Variants in UROS observed in about 807,000 individuals in gnomAD.
UROS encodes the protein uroporphyrinogen-III synthase.
UROS carries 18 observed loss-of-function variants against 33.0 expected under a neutral mutation model. That is an observed-to-expected ratio of 0.55 (90% CI 0.38 to 0.81). The LOEUF is 0.81. UROS is among the 30% of genes least tolerant of loss of function. The pLI, the probability that UROS is intolerant of heterozygous loss-of-function variation, is 0.00. For synonymous variants in UROS, 114 were observed against 121.1 expected (o/e 0.94, Z 0.38); for missense variants, 293 against 314.9 (o/e 0.93, Z 0.53).
chr10:125,788,953 G>C lies in UROS; in HGVS notation c.713C>G (p.Pro238Arg), dbSNP rs1439715237. The change falls in exon 10 of 10, where the codon CCT (proline) becomes CGT (arginine). Residue 238 changes from proline to arginine, a missense_variant. Pro to Arg is a moderately radical substitution (Grantham distance 103). Coordinates refer to ENST00000368797, the MANE Select transcript of UROS (RefSeq NM_000375.3). Reference sequence around the variant, plus strand: ...GGGGCTCTCTGCAGTGCAGCTTACAGGAAGGCCCTGGGCGGCCAGCGCGCG... The same window carrying C: ...GGGGCTCTCTGCAGTGCAGCTTACACGAAGGCCCTGGGCGGCCAGCGCGCG... ...TARALAAQGLPVSCTAESPTP... is the reference protein window; with the variant it reads ...TARALAAQGLRVSCTAESPTP... 2 of 1,611,656 alleles carry C rather than the reference G, an allele frequency of 1.2e-6. No homozygotes were observed. Among genetic ancestry groups the C allele is most frequent in the Non-Finnish European group, 1.7e-6 (2 of 1,179,752 alleles).
At chr10:125,797,015 A>T (rs974108840) in intron 7 of UROS, among the ~76,000 whole-genome samples, 4 of 152,226 alleles carry the variant, frequency 2.6e-5, no homozygotes, top group African/African-American at 9.6e-5. Context: ...AACTGAGACC[A>T]AGCTTTCTCT....
downstream of UROS, among the ~76,000 whole-genome samples, chr10:125,787,051 T>C (rs912175957): frequency 2.6e-5 from 4 of 152,224 alleles, no homozygotes; most frequent in African/African-American, 9.6e-5. Context: ...AACAGAACCA[T>C]CTTTAACCAC....
chr10:125,812,503 T>A (rs111889354), intron 4 of UROS, among the ~76,000 whole-genome samples: 55 of 152,368 alleles, frequency 3.6e-4, no homozygotes, highest in African/African-American at 1.1e-3. Flanking sequence ...GTTTTAGTAC[T>A]CCTTGCTTGA....
chr10:125,796,773 G>A (rs566952543), intron 7 of UROS: 4 of 984,722 alleles, frequency 4.1e-6, no homozygotes, highest in South Asian at 9.4e-5. Flanking sequence ...GAGGCGCTAG[G>A]CACTGAAGGG....
Position 125,796,193 on chromosome 10 carries a change from G to T in UROS, c.476-5C>A. ...TTATGCTTTCCATGGCAATCCCTGG[G>T]CACAATCAAAAGCAGGAAAGACTTT... On this transcript the variant is annotated splice_polypyrimidine_tract_variant and splice_region_variant and intron_variant, in intron 7 of 9. Transcript: ENST00000368797. 6.2e-7 allele frequency: 1 copy of T among 1,614,026 alleles called. No homozygotes were observed. Among genetic ancestry groups the T allele is most frequent in the East Asian group, 2.2e-5 (1 of 44,868 alleles).
At chr10:125,820,246 C>T (rs977275315) in intron 1 of UROS, among the ~76,000 whole-genome samples, 3 of 152,122 alleles carry the variant, frequency 2.0e-5, no homozygotes, top group Admixed American at 2.0e-4. Flanking sequence ...CTGCTGTCTG[C>T]AAGCTGGAGA....
At chr10:125,802,539 T>C (rs752378196) in intron 6 of UROS, 115 of 999,134 alleles carry the variant, frequency 1.2e-4, no homozygotes, top group Non-Finnish European at 1.4e-4. Context: ...CACTGGTGCA[T>C]GGAGAGGCCT....
intron 6 of UROS, chr10:125,802,317 G>C: frequency 1.0e-6 from 1 of 985,904 alleles, no homozygotes; most frequent in Non-Finnish European, 1.2e-6. Context: ...CCGGAAAGCT[G>C]GAACAACTGT....
intron 9 of UROS, among the ~76,000 whole-genome samples, chr10:125,789,915 T>C (rs1350075223): frequency 2.0e-5 from 3 of 152,140 alleles, no homozygotes; most frequent in Non-Finnish European, 4.4e-5. Flanking sequence ...AAGGTCCTCA[T>C]CCCCCACTCT....
At chr10:125,818,349 C>T (rs563917424) in intron 1 of UROS, among the ~76,000 whole-genome samples, 2 of 152,056 alleles carry the variant, frequency 1.3e-5, no homozygotes, top group South Asian at 4.2e-4. Flanking sequence ...AACAAGGAGC[C>T]GGGCATAGTG....
At chr10:125,802,431 A>G (rs926488070) in intron 6 of UROS, 4 of 986,326 alleles carry the variant, frequency 4.1e-6, no homozygotes, top group Non-Finnish European at 4.8e-6. Context: ...TCCAGTCTGG[A>G]ACATTCCACA....
At chr10:125,802,386 T>C (rs923342518) in intron 6 of UROS, 3 of 985,766 alleles carry the variant, frequency 3.0e-6, no homozygotes, top group Non-Finnish European at 3.6e-6. Context: ...TCACTGCCTG[T>C]CTAGGCTGCT....
chr10:125,797,750 T>C (rs1851484948), intron 7 of UROS, among the ~76,000 whole-genome samples: 1 of 142,932 alleles, frequency 7.0e-6, no homozygotes, highest in South Asian at 2.3e-4. Context: ...AATTCTATGG[T>C]TTGTCACCTC....
chr10:125,792,150 T>C (rs1850983999), intron 9 of UROS: 1 of 152,124 alleles, frequency 6.6e-6, no homozygotes, highest in Non-Finnish European at 1.5e-5. Flanking sequence ...TACATCTCAA[T>C]AAAGCTATTT....
At chr10:125,812,185 G>A in intron 5 of UROS, 29 bp downstream of exon 5, 1 of 1,598,888 alleles carries the variant, frequency 6.3e-7, no homozygotes, top group Non-Finnish European at 8.6e-7. Context: ...GCCATTTTTT[G>A]TTGTTTTATT....
chr10:125,819,226 G>A (rs570047403), intron 1 of UROS, among the ~76,000 whole-genome samples: 6 of 152,222 alleles, frequency 3.9e-5, no homozygotes, highest in African/African-American at 1.4e-4. Context: ...TCGTGATCCG[G>A]CTGCCTTGGC....
chr10:125,795,136 T>C (rs1851249914), intron 8 of UROS, 158 bp from the exon 9 acceptor site: 1 of 700,820 alleles, frequency 1.4e-6, no homozygotes, highest in South Asian at 1.5e-5. Context: ...TCTGCTCCAG[T>C]GAGGCAGGAT....
downstream of UROS, chr10:125,785,180 T>C (rs1228720649): frequency 6.6e-6 from 1 of 152,200 alleles, no homozygotes; most frequent in Non-Finnish European, 1.5e-5. Flanking sequence ...GTGCCCACAG[T>C]GTCACCTTGT....
intron 8 of UROS, 64 bp downstream of exon 8, chr10:125,796,039 C>G: frequency 1.4e-6 from 2 of 1,460,450 alleles, no homozygotes; most frequent in South Asian, 2.3e-5. Flanking sequence ...AGCTCGTGCC[C>G]TTCACCCTCT....
Sources: allele counts gnomAD v4.1 joint callset (sites outside exome capture counted in the v4.1 genomes callset), GRCh38; gene constraint gnomAD v4.1.1; transcripts MANE v1.5; gene names NCBI Gene and HGNC (gene_info 2026-07-23, HGNC 2026-07-21).